The following FAF1 variants were observed in gnomAD, a reference collection of about 807,000 sequenced individuals.
FAF1 encodes FAS-associated factor 1.
FAF1 carries 25 observed loss-of-function variants against 92.5 expected under a neutral mutation model. That is an observed-to-expected ratio of 0.27 (90% CI 0.20 to 0.38). The LOEUF (loss-of-function observed/expected upper bound fraction) is 0.38, where lower values mean the gene tolerates loss of function less well. Ranked by LOEUF, FAF1 falls within the 10% of genes least tolerant of loss-of-function variation. FAF1 has a pLI of 1.00. For synonymous variants in FAF1, 234 were observed against 273.2 expected (o/e 0.86, Z 1.42); for missense variants, 636 against 793.3 (o/e 0.80, Z 2.38).
intron 7 of FAF1, among the ~76,000 whole-genome samples, chr1:50,672,342 AGTTTT>A (rs894100088): frequency 4.0e-5 from 6 of 151,374 alleles, no homozygotes; most frequent in Non-Finnish European, 7.4e-5. Context: ...CGCCCCAGCC[AGTTTT>A]GTTTTGTTTT....
chr1:50,612,352 A>G, intron 8 of FAF1: 1 of 1,247,532 alleles, frequency 8.0e-7, no homozygotes, highest in Non-Finnish European at 1.0e-6. Context: ...TCCTCATTTT[A>G]TTATAAGTTT....
intron 4 of FAF1, 144 bp from the exon 5 acceptor site, chr1:50,744,919 G>A: frequency 2.1e-6 from 1 of 471,464 alleles, no homozygotes; most frequent in Non-Finnish European, 3.7e-6. Context: ...CTATAAAATG[G>A]GAAATAATAT....
intron 1 of FAF1, among the ~76,000 whole-genome samples, chr1:50,939,562 T>C (rs1207883446): frequency 6.6e-6 from 1 of 152,236 alleles, no homozygotes; most frequent in Non-Finnish European, 1.5e-5. Flanking sequence ...AGTACTATGA[T>C]GAACAGGAGT....
chr1:50,508,618 G>GA (rs757736816), intron 15 of FAF1, among the ~76,000 whole-genome samples: 1 of 152,160 alleles, frequency 6.6e-6, no homozygotes, highest in Non-Finnish European at 1.5e-5. Flanking sequence ...ATGGGTAGGG[G>GA]GGTGATAAAA....
intron 2 of FAF1, among the ~76,000 whole-genome samples, chr1:50,834,747 T>C (rs1644185170): frequency 6.6e-6 from 1 of 152,208 alleles, no homozygotes; most frequent in South Asian, 2.1e-4. Flanking sequence ...GGTTCACTAA[T>C]CTCCATTCAG....
intron 18 of FAF1, among the ~76,000 whole-genome samples, chr1:50,465,672 T>C (rs1162329977): frequency 6.6e-6 from 1 of 152,096 alleles, no homozygotes; most frequent in African/African-American, 2.4e-5. Context: ...ATAGGGGTTG[T>C]CAGTCTGGCA....
intron 1 of FAF1, among the ~76,000 whole-genome samples, chr1:50,955,948 C>T (rs1471004693): frequency 6.6e-6 from 1 of 152,034 alleles, no homozygotes; most frequent in African/African-American, 2.4e-5. Flanking sequence ...GAGTCGAATT[C>T]AGAGATAGAA....
chr1:50,450,294 T>C (rs954849583), intron 18 of FAF1, among the ~76,000 whole-genome samples: 13 of 152,204 alleles, frequency 8.5e-5, no homozygotes, highest in Non-Finnish European at 2.9e-5. Context: ...AACAATTCTA[T>C]GAGATAAGTA....
intron 1 of FAF1, among the ~76,000 whole-genome samples, chr1:50,861,386 T>C (rs1345306724): frequency 1.3e-5 from 2 of 151,952 alleles, no homozygotes; most frequent in Middle Eastern, 3.4e-3. Flanking sequence ...AGAATCTTCA[T>C]GATAGGATTA....
chr1:50,842,346 G>C (rs775030623), intron 2 of FAF1, among the ~76,000 whole-genome samples: 2 of 151,984 alleles, frequency 1.3e-5, no homozygotes, highest in Non-Finnish European at 2.9e-5. Context: ...ACAATAATTA[G>C]CTTTTAGCTT....
At chr1:50,544,692 T>A (rs972181426) in intron 13 of FAF1, among the ~76,000 whole-genome samples, 5 of 152,070 alleles carry the variant, frequency 3.3e-5, no homozygotes, top group African/African-American at 7.2e-5. Flanking sequence ...AAAATACTAA[T>A]AAATATCTCA....
intron 1 of FAF1, among the ~76,000 whole-genome samples, chr1:50,919,613 G>A (rs532340911): frequency 3.3e-5 from 5 of 151,424 alleles, no homozygotes; most frequent in African/African-American, 4.9e-5. Flanking sequence ...TCAGCCTCCC[G>A]AGTAGCTGGG....
chr1:50,805,289 C>T (rs1166464909), intron 2 of FAF1, among the ~76,000 whole-genome samples: 4 of 152,156 alleles, frequency 2.6e-5, no homozygotes, highest in African/African-American at 9.7e-5. Context: ...TGCCTTCATG[C>T]TAATTATGTT....
At chr1:50,722,557 G>C (rs1046535716) in intron 6 of FAF1, among the ~76,000 whole-genome samples, 5 of 150,856 alleles carry the variant, frequency 3.3e-5, no homozygotes, top group African/African-American at 1.2e-4. Context: ...GCTGAGGCAG[G>C]AGAATGGCAT....
chr1:50,632,604 C>T (rs974103972), intron 8 of FAF1, among the ~76,000 whole-genome samples: 1 of 152,154 alleles, frequency 6.6e-6, no homozygotes, highest in African/African-American at 2.4e-5. Flanking sequence ...TATCTAAATG[C>T]TTCCTATCTC....
At chr1:50,720,789 C>A (rs1238301525) in intron 6 of FAF1, among the ~76,000 whole-genome samples, 2 of 152,166 alleles carry the variant, frequency 1.3e-5, no homozygotes, top group African/African-American at 4.8e-5. Context: ...CTTCTGAGAG[C>A]TACTCTGAGA....
intron 4 of FAF1, among the ~76,000 whole-genome samples, chr1:50,759,014 T>C (rs1029849413): frequency 2.6e-5 from 4 of 152,022 alleles, no homozygotes; most frequent in African/African-American, 7.2e-5. Flanking sequence ...AGCTAATTTT[T>C]TGTGATTTTA....
At position 50,466,460 on chromosome 1, in the gene FAF1, G is replaced by A. The variant is rs375875641; in HGVS notation, c.1869+9004C>T. Among the ~76,000 whole-genome samples, 27 of 152,270 alleles carry A rather than the reference G, an allele frequency of 1.8e-4. No homozygotes were observed. In the South Asian group the frequency reaches 4.4e-3, roughly 25 times the overall value. On this transcript the variant is annotated intron_variant, in intron 18 of 18. Coordinates refer to ENST00000396153, the MANE Select transcript of FAF1 (RefSeq NM_007051.3). ...GTTGTATGTAGAAATGTTTGGAGTT[G>A]AGGAGAGAATTTAGACTGGATATAT...
At chr1:50,764,001 A>T (rs1163360286) in intron 4 of FAF1, among the ~76,000 whole-genome samples, 1 of 152,196 alleles carries the variant, frequency 6.6e-6, no homozygotes, top group Non-Finnish European at 1.5e-5. Context: ...CAGAAGTAAC[A>T]TACTGCAACA....
Sources: gnomAD v4.1 joint callset for allele counts (sites outside exome capture counted in the v4.1 genomes callset) on GRCh38, gnomAD v4.1.1 for gene constraint, MANE v1.5 for transcripts, NCBI Gene and HGNC (gene_info 2026-07-23, HGNC 2026-07-21) for gene names.